AFG1L: variants seen among roughly 807,000 people sequenced by gnomAD.
AFG1L encodes the protein AFG1-like ATPase.
AFG1L carries 53 observed loss-of-function variants against 62.2 expected under a neutral mutation model. The ratio of observed to expected loss-of-function variants is 0.85; its 90% confidence interval spans 0.68 to 1.07. The LOEUF (loss-of-function observed/expected upper bound fraction) is 1.07, where lower values mean the gene tolerates loss of function less well. AFG1L is among the 50% of genes least tolerant of loss of function. The pLI, the probability that AFG1L is intolerant of heterozygous loss-of-function variation, is 0.00. For synonymous variants in AFG1L, 228 were observed against 210.3 expected (o/e 1.08, Z -0.73); for missense variants, 555 against 590.5 (o/e 0.94, Z 0.62).
intron 11 of AFG1L, among the ~76,000 whole-genome samples, chr6:108,517,363 T>C (rs1033515332): frequency 6.6e-6 from 1 of 152,186 alleles, no homozygotes; most frequent in Non-Finnish European, 1.5e-5. Context: ...TCTACAACTA[T>C]GTGATCTTTG....
chr6:108,478,175 C>T (rs1340771942), intron 10 of AFG1L, among the ~76,000 whole-genome samples: 1 of 152,190 alleles, frequency 6.6e-6, no homozygotes, highest in Non-Finnish European at 1.5e-5. Flanking sequence ...CGGTGGCTCG[C>T]GCCTGTAATC....
At chr6:108,398,801 G>C (rs983796535) in intron 6 of AFG1L, among the ~76,000 whole-genome samples, 5 of 151,966 alleles carry the variant, frequency 3.3e-5, no homozygotes, top group Admixed American at 2.0e-4. Context: ...TTGTTCTGTT[G>C]GTCTATGTGT....
At chr6:108,399,083 G>A (rs1428108199) in intron 6 of AFG1L, among the ~76,000 whole-genome samples, 7 of 151,384 alleles carry the variant, frequency 4.6e-5, no homozygotes, top group East Asian at 1.9e-4. Context: ...CTATGAATAC[G>A]GAATAGCTTT....
chr6:108,476,444 T>A (rs1421144649), intron 8 of AFG1L, among the ~76,000 whole-genome samples: 1 of 152,234 alleles, frequency 6.6e-6, no homozygotes, highest in African/African-American at 2.4e-5. Flanking sequence ...TTGATTTTTT[T>A]AAAATGCAGC....
At position 108,309,642 on chromosome 6, in the gene AFG1L, C is replaced by T. The variant is rs1562465732; in HGVS notation, c.140-14183C>T. ...GGAAAACTTTTAAATATTCTTGGAA[C>T]ATCTTGGGAAAGTGAATCTACTTTT... On this transcript the variant is annotated intron_variant, in intron 1 of 12. Coordinates refer to ENST00000368977, the MANE Select transcript of AFG1L (RefSeq NM_145315.5). Among the ~76,000 whole-genome samples, 4 of 152,238 alleles carry T rather than the reference C, an allele frequency of 2.6e-5. No individual in the cohort carries two copies. The South Asian group carries it at 8.3e-4, about 32-fold the overall frequency.
chr6:108,365,800 A>C (rs984401366), intron 5 of AFG1L, among the ~76,000 whole-genome samples: 3 of 152,102 alleles, frequency 2.0e-5, no homozygotes, highest in African/African-American at 4.8e-5. Context: ...GACCTTTGCC[A>C]GAAAGGTATT....
intron 7 of AFG1L, among the ~76,000 whole-genome samples, chr6:108,408,036 A>G (rs1440981068): frequency 6.6e-6 from 1 of 151,804 alleles, no homozygotes; most frequent in Non-Finnish European, 1.5e-5. Flanking sequence ...AGTGATTATT[A>G]CATTGAGTCT....
At chr6:108,377,818 CT>C (rs199511475) in intron 6 of AFG1L, among the ~76,000 whole-genome samples, 1,589 of 134,586 alleles carry the variant, frequency 0.012, 18 homozygotes, top group African/African-American at 0.034. Context: ...GGAAAGTTTC[CT>C]TTTTTTTTTT....
intron 8 of AFG1L, among the ~76,000 whole-genome samples, chr6:108,466,666 G>A (rs1167574517): frequency 2.6e-5 from 4 of 151,300 alleles, no homozygotes; most frequent in Admixed American, 6.6e-5. Context: ...ACCAAAAATC[G>A]ATCCTGGCAG....
At chr6:108,401,450 A>G (rs1001557075) in intron 6 of AFG1L, among the ~76,000 whole-genome samples, 8 of 151,856 alleles carry the variant, frequency 5.3e-5, no homozygotes, top group East Asian at 1.9e-4. Flanking sequence ...CCGCCTGGCT[A>G]ATTTTTGTAT....
At chr6:108,517,815 AC>A (rs1325908562) in intron 11 of AFG1L, among the ~76,000 whole-genome samples, 3 of 152,204 alleles carry the variant, frequency 2.0e-5, no homozygotes, top group Non-Finnish European at 4.4e-5. Flanking sequence ...AAGAAAAAAA[AC>A]AACAAACCCA....
intron 8 of AFG1L, among the ~76,000 whole-genome samples, chr6:108,467,466 T>TCAAACTCCTGACCTCAGGTGATCCAC: frequency 6.6e-6 from 1 of 152,284 alleles, no homozygotes; most frequent in South Asian, 2.1e-4. Context: ...TAGGCTGGTC[T>TCAAACTCCTGACCTCAGGTGATCCAC]CAAACTCCTG....
intron 7 of AFG1L, among the ~76,000 whole-genome samples, chr6:108,416,469 G>A (rs1457371138): frequency 1.3e-5 from 2 of 152,194 alleles, no homozygotes; most frequent in Non-Finnish European, 2.9e-5. Context: ...AAAGACACAT[G>A]CACACATATG....
At chr6:108,459,196 G>A (rs1199790584) in intron 8 of AFG1L, among the ~76,000 whole-genome samples, 1 of 152,154 alleles carries the variant, frequency 6.6e-6, no homozygotes, top group Non-Finnish European at 1.5e-5. Context: ...AAGACTCAGG[G>A]AAGCCCTCTG....
intron 7 of AFG1L, among the ~76,000 whole-genome samples, chr6:108,446,256 G>T (rs927623472): frequency 6.6e-6 from 1 of 152,102 alleles, no homozygotes; most frequent in Admixed American, 6.5e-5. Flanking sequence ...GGAAAGAAAG[G>T]AGCACTTGGG....
intron 10 of AFG1L, among the ~76,000 whole-genome samples, chr6:108,504,633 A>AAG (rs1774329410): frequency 1.3e-5 from 2 of 152,234 alleles, no homozygotes; most frequent in Non-Finnish European, 2.9e-5. Flanking sequence ...TGTTGGAAAA[A>AAG]TGTCACCAAC....
chr6:108,353,856 T>C (rs1411591589), intron 3 of AFG1L, among the ~76,000 whole-genome samples: 1 of 152,196 alleles, frequency 6.6e-6, no homozygotes, highest in African/African-American at 2.4e-5. Flanking sequence ...ACTTCTTTAT[T>C]AAAAAAATGT....
At chr6:108,426,416 C>T (rs1770818663) in intron 7 of AFG1L, among the ~76,000 whole-genome samples, 12 of 152,088 alleles carry the variant, frequency 7.9e-5, no homozygotes. Context: ...ACAGGAGCTG[C>T]AGTTGTGTGT....
At chr6:108,363,148 T>G (rs1779611092) in intron 5 of AFG1L, among the ~76,000 whole-genome samples, 1 of 152,198 alleles carries the variant, frequency 6.6e-6, no homozygotes, top group Non-Finnish European at 1.5e-5. Context: ...AAGATTATGT[T>G]TTGGTAAGCA....
Sources: allele counts gnomAD v4.1 joint callset (sites outside exome capture counted in the v4.1 genomes callset), GRCh38; gene constraint gnomAD v4.1.1; transcripts MANE v1.5; gene names NCBI Gene and HGNC (gene_info 2026-07-23, HGNC 2026-07-21).